Variants in PAXIP1 observed in about 807,000 individuals in gnomAD.
PAXIP1 encodes PAX-interacting protein 1.
In PAXIP1, 19 loss-of-function variants were observed where a neutral mutation model predicts 140.6. The ratio of observed to expected loss-of-function variants is 0.14; its 90% CI spans 0.09 to 0.20. PAXIP1 has a LOEUF of 0.20. Ranked by LOEUF, PAXIP1 falls within the 10% of genes least tolerant of loss-of-function variation. PAXIP1 has a pLI of 1.00. For missense variants in PAXIP1, 920 were observed against 1,208.6 expected, an observed-to-expected ratio of 0.76 and a Z score of 3.54; for synonymous variants, 442 against 444.6, an observed-to-expected ratio of 0.99 and a Z score of 0.07.
intron 4 of PAXIP1, among the ~76,000 whole-genome samples, chr7:154,985,423 T>C (rs576965506): frequency 1.3e-5 from 2 of 152,262 alleles, no homozygotes; most frequent in South Asian, 2.1e-4. Flanking sequence ...CTCCTGCCCA[T>C]GAGCACTGCC....
intron 5 of PAXIP1, 118 bp downstream of exon 5, chr7:154,983,101 T>C: frequency 1.7e-6 from 1 of 580,852 alleles, no homozygotes; most frequent in Non-Finnish European, 3.0e-6. Context: ...TAAACCAATA[T>C]AATCAGCTTT....
intron 2 of PAXIP1, 106 bp from the exon 3 acceptor site, chr7:154,993,875 TAAA>T: frequency 1.3e-6 from 1 of 763,778 alleles, no homozygotes; most frequent in Non-Finnish European, 2.1e-6. Context: ...CAACCTATTT[TAAA>T]ACATCCAGAT....
chr7:154,962,511 TA>T, intron 9 of PAXIP1, 53 bp from the exon 10 acceptor site: 1 of 1,536,040 alleles, frequency 6.5e-7, no homozygotes, highest in Non-Finnish European at 8.9e-7. Context: ...GCTGCAGGAT[TA>T]AAGAAAATTC....
chr7:154,960,043 C>T (rs1808690115), intron 12 of PAXIP1, 110 bp from the exon 13 acceptor site: 5 of 730,674 alleles, frequency 6.8e-6, no homozygotes, highest in South Asian at 6.2e-5. Flanking sequence ...GTTTAGCTGA[C>T]AACACTTAAT....
In PAXIP1 at chr7:154,954,532, G is replaced by C; in HGVS notation, c.2653-109C>G. Reference sequence around the variant, plus strand: ...CTACCTAAAGACAAGGTTTATGACTGTAATTCTCAGCCACAGAAAACAGTG... The same window carrying C: ...CTACCTAAAGACAAGGTTTATGACTCTAATTCTCAGCCACAGAAAACAGTG... On this transcript the variant is annotated intron_variant, in intron 15 of 20. Transcript: ENST00000404141. This position sits in a 1 kb window ranked among gnomAD's most constrained non-coding sequence, Gnocchi z 5.1. 1 of 659,952 alleles carries C rather than the reference G, an allele frequency of 1.5e-6. No individual in the cohort carries two copies. The highest frequency in any genetic ancestry group is 2.2e-6 in the Non-Finnish European group (1 of 451,176). 40.9% of individuals were successfully genotyped at this position (659,952 alleles called of 1,614,324 possible). A position where few individuals can be genotyped will look rare whatever the true frequency, so the allele number is the denominator to read the frequency against.
chr7:154,981,958 G>A (rs960690004), intron 5 of PAXIP1, among the ~76,000 whole-genome samples: 55 of 152,132 alleles, frequency 3.6e-4, no homozygotes, highest in African/African-American at 1.1e-3. Context: ...GAATTAAAAC[G>A]TCAAATCACA....
Position 154,976,335 on chromosome 7 carries a change from C to T in PAXIP1, c.439-4G>A, listed in dbSNP as rs142567320. 463 of 1,559,248 alleles carry T rather than the reference C, an allele frequency of 3.0e-4. 3 individuals carry two copies. The African/African-American group carries it at 5.1e-3, about 17-fold the overall frequency. ...TTAAAGCACATTCGTATTTCTCCTA[C>T]GAGGAAAGCAGAAACACACACAAAA... is the stretch of plus-strand genomic sequence containing the variant. On this transcript the variant is annotated splice_region_variant and splice_polypyrimidine_tract_variant and intron_variant, in intron 5 of 20. Coordinates refer to ENST00000404141, the MANE Select transcript of PAXIP1 (RefSeq NM_007349.4).
At chr7:154,976,398 C>T in intron 5 of PAXIP1, 67 bp from the exon 6 acceptor site, 1 of 1,509,446 alleles carries the variant, frequency 6.6e-7, no homozygotes, top group Non-Finnish European at 8.8e-7. Context: ...TACAATTACG[C>T]ATTTTAGAAA....
In PAXIP1 at chr7:154,975,970, G is replaced by T. The variant is rs369132770; in HGVS notation, c.800C>A (p.Thr267Asn). The change falls in exon 6 of 21, where the codon ACC (threonine) becomes AAC (asparagine). Residue 267 changes from threonine (T) to asparagine (N), a missense_variant. Physicochemically the swap from Thr to Asn is moderately conservative, Grantham distance 65 (BLOSUM62 0). Around this residue, in one of 5 missense-constraint regions of PAXIP1, gnomAD observed 419 missense variants for 514.7 expected, o/e 0.81. Coordinates refer to ENST00000404141, the MANE Select transcript of PAXIP1 (RefSeq NM_007349.4). ...PEKQERNLNW[T>N]PAEVPQLAAA... ...AGCTAACTGTGGGACTTCGGCCGGG[G>T]TCCAGTTTAAATTTCTCTCCTGTTT... 2 of 1,613,690 alleles carry T rather than the reference G, an allele frequency of 1.2e-6. No individual in the cohort carries two copies. The highest frequency in any genetic ancestry group is 1.7e-6 in the Non-Finnish European group (2 of 1,179,796).
intron 16 of PAXIP1, chr7:154,949,018 A>G (rs2150738948): frequency 6.6e-6 from 1 of 152,336 alleles, no homozygotes; most frequent in East Asian, 1.9e-4. Flanking sequence ...AAAGGTAAAG[A>G]TCACAAAATG....
intron 1 of PAXIP1, among the ~76,000 whole-genome samples, chr7:154,999,041 G>A (rs1256525492): frequency 6.6e-6 from 1 of 152,220 alleles, no homozygotes; most frequent in East Asian, 1.9e-4. Context: ...TAGTGGACAT[G>A]GTCTGTCCTC....
In PAXIP1 at chr7:154,973,509, C is replaced by A. The variant is rs11978316; in HGVS notation, c.1074+2187G>T. ...CCTTCTCTCTCTGCTCACCTTCTCC[C>A]CCACCATCTTAACTGTCTGCTGTCT... On this transcript the variant is annotated intron_variant, in intron 6 of 20. Coordinates refer to ENST00000404141, the MANE Select transcript of PAXIP1 (RefSeq NM_007349.4). The surrounding 1 kb of genome is among the most constrained non-coding windows in gnomAD (Gnocchi z 4.0). 6.6e-6 allele frequency among the ~76,000 whole-genome samples: 1 copy of A among 152,184 alleles called. No individual in the cohort carries two copies. Among genetic ancestry groups the A allele is most frequent in the Non-Finnish European group, 1.5e-5 (1 of 68,040 alleles).
chr7:154,983,059 C>T (rs925852691), intron 5 of PAXIP1, among the ~76,000 whole-genome samples, 160 bp downstream of exon 5: 6 of 152,064 alleles, frequency 3.9e-5, no homozygotes, highest in African/African-American at 1.4e-4. Context: ...CATCTCACAT[C>T]GTTTGTGGAA....
chr7:154,946,401 AGAAC>A lies in PAXIP1; in HGVS notation c.3154_3157del (p.Val1052Ter). On this transcript the variant is annotated frameshift_variant, in exon 20 of 21. Transcript: ENST00000404141. LOFTEE classifies it high-confidence loss of function. This position sits in a 1 kb window ranked among gnomAD's most constrained non-coding sequence, Gnocchi z 4.9. ...CAGCGTTTGAGTGAGCACTCCAGTC[AGAAC>A]GAACTCTGCATTGTGAACATCTGAA... 6.2e-7 allele frequency: 1 copy of A among 1,614,024 alleles called. No individual in the cohort carries two copies. The highest frequency in any genetic ancestry group is 8.5e-7 in the Non-Finnish European group (1 of 1,179,872).
chr7:154,987,560 A>C (rs2150778213), intron 4 of PAXIP1, among the ~76,000 whole-genome samples: 1 of 152,190 alleles, frequency 6.6e-6, no homozygotes, highest in Non-Finnish European at 1.5e-5. Flanking sequence ...CCTTCATGCC[A>C]CAGCAGCTCC....
rs1563377624 is a variant in PAXIP1, at chr7:154,975,678, T to C, written c.1074+18A>G. 6.5e-7 allele frequency: 1 copy of C among 1,532,328 alleles called. No homozygotes were observed. Among genetic ancestry groups the C allele is most frequent in the South Asian group, 1.1e-5 (1 of 86,992 alleles). 94.9% of individuals were successfully genotyped at this position (1,532,328 alleles called of 1,614,324 possible). ...CTAAGATCCAATACTGACATTTTTT[T>C]CGGAAAGAGTGACTTACATGTGCTA... On this transcript the variant is annotated intron_variant, in intron 6 of 20. Coordinates refer to ENST00000404141, the MANE Select transcript of PAXIP1 (RefSeq NM_007349.4).
rs1242544250 is a variant in PAXIP1 at position 154,947,928 on chromosome 7, C to T, written c.2897G>A (p.Arg966Gln). The T allele has an allele frequency of 3.1e-6, 5 of 1,612,288 alleles. No homozygotes were observed. Among genetic ancestry groups the T allele is most frequent in the South Asian group, 2.2e-5 (2 of 91,042 alleles). ...CTTAAAGAGTGGAGAAACGTGTGCCCGTTTTAAGGATTCTTCCAAGCTGAA... is the reference window on the plus strand; with the variant it reads ...CTTAAAGAGTGGAGAAACGTGTGCCTGTTTTAAGGATTCTTCCAAGCTGAA... ...FSFSLEESLKRAHVSPLFKAK... is the reference protein window; with the variant it reads ...FSFSLEESLKQAHVSPLFKAK... The change falls in exon 17 of 21, where the codon CGG (arginine) becomes CAG (glutamine). Residue 966 changes from arginine (R) to glutamine (Q), a missense_variant. Arg to Gln is a conservative substitution (Grantham distance 43). Transcript: ENST00000404141.
chr7:154,981,178 G>A (rs1472754345), intron 5 of PAXIP1, among the ~76,000 whole-genome samples: 1 of 152,120 alleles, frequency 6.6e-6, no homozygotes, highest in East Asian at 1.9e-4. Context: ...TTAGAGAAAG[G>A]AGTGGTGGGT....
chr7:154,990,502 ACT>A lies in PAXIP1; in HGVS notation c.324+502_324+503del, dbSNP rs140945821. Reference sequence around the variant, plus strand: ...CAGCATCTCCACCAACACTGAACACACTGTTACAAATTCGATGAGCAAAAACA... The same window carrying A: ...CAGCATCTCCACCAACACTGAACACAGTTACAAATTCGATGAGCAAAAACA... On this transcript the variant is annotated intron_variant, in intron 4 of 20. Coordinates refer to ENST00000404141, the MANE Select transcript of PAXIP1 (RefSeq NM_007349.4). 7.6e-3 allele frequency among the ~76,000 whole-genome samples: 1,164 copies of A among 152,298 alleles called. 18 individuals carry two copies. The highest frequency in any genetic ancestry group is 0.026 in the African/African-American group (1,089 of 41,558).
Sources: allele counts gnomAD v4.1 joint callset (sites outside exome capture counted in the v4.1 genomes callset), GRCh38; gene constraint gnomAD v4.1.1; regional missense constraint gnomAD v4.1.1; non-coding constraint Gnocchi (gnomAD v3.1); transcripts MANE v1.5; gene names NCBI Gene and HGNC (gene_info 2026-07-23, HGNC 2026-07-21).